The following GDF1 variants were observed in gnomAD, a reference collection of about 807,000 sequenced individuals.
The protein encoded by GDF1 is growth differentiation factor 1.
In GDF1, 8 loss-of-function variants were observed where a neutral mutation model predicts 7.4. The observed-to-expected ratio is 1.09, with a 90% CI of 0.64 to 1.96. The LOEUF (loss-of-function observed/expected upper bound fraction) is 1.96. GDF1 is among the 30% of genes most tolerant of loss of function. The pLI is 0.00. For synonymous variants in GDF1, 311 were observed against 276.7 expected (o/e 1.12, Z -1.23); for missense variants, 574 against 551.5 (o/e 1.04, Z -0.41).
rs549939448 is a variant in GDF1 at position 18,878,977 on chromosome 19, C to T, written c.-360G>A. 2 of 1,613,840 alleles carry T rather than the reference C, an allele frequency of 1.2e-6. No individual in the cohort carries two copies. Among genetic ancestry groups the T allele is most frequent in the African/African-American group, 2.7e-5 (2 of 75,044 alleles). ...TCTGGGCCTCGGCTGTGTCATACTC[C>T]CGCAGGTCCTTCAGCTCGTGCACCT... On this transcript the variant is annotated 5_prime_UTR_variant, in exon 6 of 8. Coordinates refer to ENST00000247005, the MANE Select transcript of GDF1 (RefSeq NM_001492.6). This position sits in a 1 kb window ranked among gnomAD's most constrained non-coding sequence, Gnocchi z 4.6.
chr19:18,884,709 C>CTTTTTTTTTTTT, intron 2 of GDF1, among the ~76,000 whole-genome samples: 1 of 69,128 alleles, frequency 1.4e-5, no homozygotes, highest in Non-Finnish European at 2.5e-5. Context: ...GCCCAGCCGT[C>CTTTTTTTTTTTT]TTTTTTTTTT....
chr19:18,875,542 C>CA (rs886609723), intron 6 of GDF1, among the ~76,000 whole-genome samples: 1,921 of 97,194 alleles, frequency 0.02, 39 homozygotes, highest in African/African-American at 0.059. Context: ...GACACTGTCT[C>CA]AAAAAAAAAA....
intron 3 of GDF1, among the ~76,000 whole-genome samples, chr19:18,883,740 C>T (rs562205252): frequency 1.3e-5 from 2 of 152,010 alleles, no homozygotes; most frequent in South Asian, 2.1e-4. Flanking sequence ...ATTGCTTGGG[C>T]GTGGCAGGTG....
rs2056083101 is a variant in GDF1 at position 18,877,639 on chromosome 19, C to A, written c.-313+1291G>T. 2.0e-5 allele frequency among the ~76,000 whole-genome samples: 3 copies of A among 151,808 alleles called. No individual in the cohort carries two copies. The South Asian group carries it at 6.2e-4, about 32-fold the overall frequency. On this transcript the variant is annotated intron_variant, in intron 6 of 7. Transcript: ENST00000247005. ...TGGTGGTGCATGCCTGTGGGCCCAG[C>A]TACTTGGGAGGCTGAGGCAGGAGGA...
intron 6 of GDF1, among the ~76,000 whole-genome samples, chr19:18,872,337 T>TATC (rs1285210455): frequency 6.6e-6 from 1 of 152,160 alleles, no homozygotes; most frequent in African/African-American, 2.4e-5. Flanking sequence ...TTTTCTCTGT[T>TATC]ATCTTTTTTT....
intron 3 of GDF1, among the ~76,000 whole-genome samples, chr19:18,882,779 G>A (rs2056247017): frequency 2.0e-5 from 3 of 151,750 alleles, no homozygotes. Flanking sequence ...TGCAACCTCC[G>A]CCTCCCGGGT....
chr19:18,890,861 T>G (rs960240532), intron 2 of GDF1, among the ~76,000 whole-genome samples: 1 of 150,540 alleles, frequency 6.6e-6, no homozygotes, highest in African/African-American at 2.4e-5. Context: ...TGGTGGCTCA[T>G]GCCTGTAATC....
chr19:18,880,821 C>T (rs113954439), intron 3 of GDF1, among the ~76,000 whole-genome samples: 3,189 of 152,106 alleles, frequency 0.021, 104 homozygotes, highest in African/African-American at 0.072. Flanking sequence ...CCTCAGCCCC[C>T]GGAGAAGCTG....
intron 3 of GDF1, among the ~76,000 whole-genome samples, chr19:18,882,786 G>A (rs1351221842): frequency 1.3e-5 from 2 of 151,834 alleles, no homozygotes; most frequent in African/African-American, 4.8e-5. Context: ...TCCGCCTCCC[G>A]GGTTCATGCC....
In GDF1 at chr19:18,868,924, C is replaced by T. The variant is rs1212176395; in HGVS notation, c.792G>A (p.Gly264=). ...ACAGCCGCCGCGCGCGACAAGCGCC[C>T]CCGGGGCCGCCGCCCAACACGGGTT... ...DAEPVLGGGP[G]GACRARRLYV... Residue 264 remains glycine, a synonymous_variant, in exon 8 of 8, where the codon GGG becomes GGA. Coordinates refer to ENST00000247005, the MANE Select transcript of GDF1 (RefSeq NM_001492.6). 2.2e-6 allele frequency: 3 copies of T among 1,334,058 alleles called. No individual in the cohort carries two copies. Among genetic ancestry groups the T allele is most frequent in the Admixed American group, 3.0e-5 (1 of 33,096 alleles). 82.6% of individuals were successfully genotyped at this position (1,334,058 alleles called of 1,614,324 possible).
At chr19:18,880,164 CCA>C (rs2056167112) in intron 4 of GDF1, 108 bp downstream of exon 4, 1 of 1,151,540 alleles carries the variant, frequency 8.7e-7, no homozygotes, top group South Asian at 1.6e-5. Context: ...TGCCACACAC[CCA>C]CCTCACCGGG....
chr19:18,893,564 C>T lies in GDF1; in HGVS notation c.-1062G>A. 1.2e-6 allele frequency: 2 copies of T among 1,608,832 alleles called. No homozygotes were observed. The highest frequency in any genetic ancestry group is 2.2e-5 in the South Asian group (2 of 90,088). On this transcript the variant is annotated 5_prime_UTR_variant, in exon 2 of 8. Coordinates refer to ENST00000247005, the MANE Select transcript of GDF1 (RefSeq NM_001492.6). Reference sequence around the variant, plus strand: ...CATCTCTGGGCTGGAGGCAGCACCGCTTCGCCAGGGGCTATGGGGGAGAAG... The same window carrying T: ...CATCTCTGGGCTGGAGGCAGCACCGTTTCGCCAGGGGCTATGGGGGAGAAG...
chr19:18,881,122 A>G (rs1349616206), intron 3 of GDF1, among the ~76,000 whole-genome samples: 1 of 151,620 alleles, frequency 6.6e-6, no homozygotes, highest in African/African-American at 2.4e-5. Context: ...CACTTTGGAC[A>G]CCACCACCAT....
intron 6 of GDF1, among the ~76,000 whole-genome samples, chr19:18,873,503 C>T (rs2056010790): frequency 6.6e-6 from 1 of 151,534 alleles, no homozygotes; most frequent in Non-Finnish European, 1.5e-5. Context: ...TTGAGATCAG[C>T]CTGGGCAACA....
At chr19:18,891,859 G>C (rs576357348) in intron 2 of GDF1, among the ~76,000 whole-genome samples, 3 of 147,928 alleles carry the variant, frequency 2.0e-5, no homozygotes, top group African/African-American at 7.5e-5. Context: ...GTGTGAGCCA[G>C]TGAGCCACCA....
In GDF1 at chr19:18,877,048, T is replaced by C. The variant is rs189750307; in HGVS notation, c.-313+1882A>G. Among the ~76,000 whole-genome samples the C allele has an allele frequency of 2.6e-3, 401 of 152,346 alleles. 1 individual carries two copies. Among genetic ancestry groups the C allele is most frequent in the Non-Finnish European group, 4.0e-3 (273 of 68,030 alleles). On this transcript the variant is annotated intron_variant, in intron 6 of 7. Coordinates refer to ENST00000247005, the MANE Select transcript of GDF1 (RefSeq NM_001492.6). ...TTTGGAAGACGTCTCTCAGCCTGAC[T>C]GCCTTCGTCCCATCCTGTTTTATAC...
intron 3 of GDF1, chr19:18,881,574 CATCT>C (rs1382957136): frequency 2.6e-5 from 4 of 152,198 alleles, no homozygotes; most frequent in Non-Finnish European, 4.4e-5. Flanking sequence ...ACAGAGTCTC[CATCT>C]GACAGATGAG....
intron 5 of GDF1, 64 bp downstream of exon 5, chr19:18,879,177 G>A (rs1000770254): frequency 6.2e-7 from 1 of 1,606,170 alleles, no homozygotes; most frequent in Non-Finnish European, 8.5e-7. Flanking sequence ...ACTGCCTGAG[G>A]AGGGGACAGG....
At position 18,870,639 on chromosome 19, in the gene GDF1, C is replaced by T. The variant is rs1319733548; in HGVS notation, c.-312-20G>A. The T allele has an allele frequency of 5.5e-6, 3 of 549,160 alleles. No homozygotes were observed. Among genetic ancestry groups the T allele is most frequent in the Non-Finnish European group, 9.9e-6 (3 of 303,586 alleles). The allele number at this position is 549,160 out of a possible 1,614,324, so 34.0% of individuals were successfully genotyped here. A position where few individuals can be genotyped will look rare whatever the true frequency, so the allele number is the denominator to read the frequency against. ...GGCTTCCTGGGGGTCAGAACCGGCG[C>T]AGGTTAGCCTGGGAGCCCCACGCGG... On this transcript the variant is annotated intron_variant, in intron 6 of 7. Transcript: ENST00000247005. The surrounding 1 kb of genome is among the most constrained non-coding windows in gnomAD (Gnocchi z 5.1).
Sources: gnomAD v4.1 joint callset for allele counts (sites outside exome capture counted in the v4.1 genomes callset) on GRCh38, gnomAD v4.1.1 for gene constraint, Gnocchi (gnomAD v3.1) non-coding constraint, MANE v1.5 for transcripts, NCBI Gene and HGNC (gene_info 2026-07-23, HGNC 2026-07-21) for gene names.